C16orf96: variants seen among roughly 807,000 people sequenced by gnomAD.
C16orf96 encodes the protein uncharacterized protein C16orf96.
In C16orf96, 108 loss-of-function variants were observed where a neutral mutation model predicts 103.6. The ratio of observed to expected loss-of-function variants is 1.04; its 90% confidence interval spans 0.89 to 1.22. The LOEUF is 1.22. C16orf96 is among the 50% of genes most tolerant of loss of function. The pLI is 0.00. For synonymous variants in C16orf96, 566 were observed against 593.5 expected, an observed-to-expected ratio of 0.95 and a Z score of 0.67; for missense variants, 1,586 against 1,464.2, an observed-to-expected ratio of 1.08 and a Z score of -1.36.
chr16:4,565,527 C>T (rs940740042), intron 1 of C16orf96, among the ~76,000 whole-genome samples: 1 of 152,228 alleles, frequency 6.6e-6, no homozygotes, highest in African/African-American at 2.4e-5. Context: ...CTGGCTCTGG[C>T]GCCCAGGCTG....
At position 4,591,769 on chromosome 16, in the gene C16orf96, C is replaced by A; in HGVS notation, c.2696C>A (p.Ala899Asp). 1 of 1,551,050 alleles carries A rather than the reference C, an allele frequency of 6.4e-7. No individual in the cohort carries two copies. ...IEGLRLDPDS[A>D]AGFRRKLFKR... Reference sequence around the variant, plus strand: ...GGCTTAAGACTGGATCCTGACAGTGCTGCTGGCTTTAGGAGGTGAGTGCCC... The same window carrying A: ...GGCTTAAGACTGGATCCTGACAGTGATGCTGGCTTTAGGAGGTGAGTGCCC... The change falls in exon 10 of 16, where the codon GCT becomes GAT. Residue 899 changes from alanine (A) to aspartate (D), a missense_variant. By Grantham distance (126) the Ala-to-Asp change is moderately radical. Transcript: ENST00000444310.
At chr16:4,564,138 C>T (rs1405446384) in intron 1 of C16orf96, among the ~76,000 whole-genome samples, 1 of 151,924 alleles carries the variant, frequency 6.6e-6, no homozygotes, top group Non-Finnish European at 1.5e-5. Flanking sequence ...CACTGCACTC[C>T]AGCCTGGGAG....
At chr16:4,545,015 A>G in the C16orf96 span, among the ~76,000 whole-genome samples, 2 of 152,342 alleles carry the variant, frequency 1.3e-5, no homozygotes, top group East Asian at 1.9e-4. Flanking sequence ...ACGAATATGC[A>G]TAGCAGGTAT....
chr16:4,600,521 G>A lies in C16orf96; in HGVS notation c.*204G>A, dbSNP rs12931357. The A allele has an allele frequency of 0.78, 317,959 of 407,424 alleles. 126,625 individuals are homozygous for A. The highest frequency in any genetic ancestry group is 0.9 in the East Asian group (20,909 of 23,344). The allele number at this position is 407,424 out of a possible 1,614,324, so 25.2% of individuals were successfully genotyped here. ...CCCATCCCTACCAAGTCCCCTCCAC[G>A]TCCGAGGCTGAGACCCATATGCCCC... On this transcript the variant is annotated 3_prime_UTR_variant, in exon 16 of 16. Transcript: ENST00000444310.
chr16:4,547,649 T>TTTCTTTCC, the C16orf96 span, among the ~76,000 whole-genome samples: 1 of 119,094 alleles, frequency 8.4e-6, no homozygotes, highest in Non-Finnish European at 1.7e-5. Context: ...TCTTTCTTTC[T>TTTCTTTCC]TTCCTTCCTT....
chr16:4,577,682 G>A (rs564393247), intron 5 of C16orf96, among the ~76,000 whole-genome samples: 210 of 152,136 alleles, frequency 1.4e-3, no homozygotes, highest in African/African-American at 4.8e-3. Context: ...TTGGCCGTGT[G>A]CGGTGGCTCA....
Position 4,588,248 on chromosome 16 carries a change from C to G in C16orf96, c.2509C>G (p.Gln837Glu), listed in dbSNP as rs370852674. 2.6e-6 allele frequency: 4 copies of G among 1,551,696 alleles called. No individual in the cohort carries two copies. Among genetic ancestry groups the G allele is most frequent in the Non-Finnish European group, 3.5e-6 (4 of 1,146,990 alleles). Reference sequence around the variant, plus strand: ...GGCCTTGGAGCTGAACGAGATGATTCAGGGCATACTCTTCAAGGTCACGAT... The same window carrying G: ...GGCCTTGGAGCTGAACGAGATGATTGAGGGCATACTCTTCAAGGTCACGAT... ...TVALELNEMI[Q>E]GILFKVTIHE... The change falls in exon 9 of 16, where the codon CAG (glutamine) becomes GAG (glutamate). Residue 837 changes from glutamine to glutamate, a missense_variant. Physicochemically the swap from Gln to Glu is conservative, Grantham distance 29 (BLOSUM62 2). Transcript: ENST00000444310.
chr16:4,600,303 C>G lies in C16orf96; in HGVS notation c.3412C>G (p.Pro1138Ala). The G allele has an allele frequency of 6.5e-7, 1 of 1,549,336 alleles. No individual in the cohort carries two copies. The highest frequency in any genetic ancestry group is 8.7e-7 in the Non-Finnish European group (1 of 1,146,704). Residue 1138 changes from proline (P) to alanine (A), a missense_variant, in exon 16 of 16, where the codon CCC (proline) becomes GCC (alanine). Physicochemically the swap from Pro to Ala is conservative, Grantham distance 27 (BLOSUM62 -1). Transcript: ENST00000444310. ...SRVGRKPPEE[P>A]ANP Reference sequence around the variant, plus strand: ...AGTCGGCAGGAAGCCCCCCGAGGAGCCCGCCAACCCGTGAGCCCCACCCCG... The same window carrying G: ...AGTCGGCAGGAAGCCCCCCGAGGAGGCCGCCAACCCGTGAGCCCCACCCCG...
upstream of C16orf96, among the ~76,000 whole-genome samples, chr16:4,552,128 A>T (rs1429515669): frequency 2.0e-5 from 3 of 152,146 alleles, no homozygotes; most frequent in Non-Finnish European, 4.4e-5. Context: ...GGGACTTTTT[A>T]TAGCAATGGT....
chr16:4,568,564 A>G (rs960868284), intron 1 of C16orf96, among the ~76,000 whole-genome samples: 1 of 151,334 alleles, frequency 6.6e-6, no homozygotes, highest in African/African-American at 2.4e-5. Context: ...AAATGCTGGG[A>G]TTACAGGTGT....
the C16orf96 span, among the ~76,000 whole-genome samples, chr16:4,551,054 C>G: frequency 6.6e-6 from 1 of 152,200 alleles, no homozygotes; most frequent in Non-Finnish European, 1.5e-5. Context: ...CAGAGGACCG[C>G]TTGAGGCCAG....
At chr16:4,591,464 A>G (rs1418584268) in intron 9 of C16orf96, among the ~76,000 whole-genome samples, 1 of 151,408 alleles carries the variant, frequency 6.6e-6, no homozygotes, top group Non-Finnish European at 1.5e-5. Flanking sequence ...CTCACCTTGC[A>G]GCTCCCCTCT....
chr16:4,542,774 G>A, the C16orf96 span, among the ~76,000 whole-genome samples: 1 of 152,140 alleles, frequency 6.6e-6, no homozygotes, highest in Non-Finnish European at 1.5e-5. Flanking sequence ...TCCAGCCTGG[G>A]CGACAAGCAA....
chr16:4,554,825 T>C (rs1325992013), upstream of C16orf96, among the ~76,000 whole-genome samples: 1 of 151,636 alleles, frequency 6.6e-6, no homozygotes, highest in Non-Finnish European at 1.5e-5. Context: ...TAATTTTTGT[T>C]TCATCATGTT....
At position 4,580,125 on chromosome 16, in the gene C16orf96, G is replaced by T; in HGVS notation, c.2352G>T (p.Lys784Asn). 1 of 1,515,232 alleles carries T rather than the reference G, an allele frequency of 6.6e-7. No individual in the cohort carries two copies. 93.9% of individuals were successfully genotyped at this position (1,515,232 alleles called of 1,614,324 possible). A position where few individuals can be genotyped will look rare whatever the true frequency, so the allele number is the denominator to read the frequency against. Reference protein sequence around the residue: ...ENLQIRMDEFKTLQAQIKRLE... With the variant: ...ENLQIRMDEFNTLQAQIKRLE... Reference sequence around the variant, plus strand: ...TGCAGATTCGCATGGATGAGTTCAAGGTTAGGAGGACTGGGTAGGCTGGAG... The same window carrying T: ...TGCAGATTCGCATGGATGAGTTCAATGTTAGGAGGACTGGGTAGGCTGGAG... The change falls in exon 7 of 16, where the codon AAG (lysine) becomes AAT (asparagine). Residue 784 changes from lysine to asparagine, a missense_variant and splice_region_variant. By Grantham distance (94) the Lys-to-Asn change is moderately conservative. Transcript: ENST00000444310.
In C16orf96 at chr16:4,556,913, C is replaced by T. The variant is rs371440728; in HGVS notation, c.420+4C>T. On this transcript the variant is annotated splice_donor_region_variant and intron_variant, in intron 1 of 15. Transcript: ENST00000444310. Reference sequence around the variant, plus strand: ...TCATGATGAAGTCATGGCCAAGGTACGCCCCCAGCCTCCAGACACTTCTTT... The same window carrying T: ...TCATGATGAAGTCATGGCCAAGGTATGCCCCCAGCCTCCAGACACTTCTTT... 1.5e-5 allele frequency: 23 copies of T among 1,531,712 alleles called. No individual in the cohort carries two copies. In the East Asian group the frequency reaches 2.0e-4, roughly 13 times the overall value. The allele number at this position is 1,531,712 out of a possible 1,614,324, so 94.9% of individuals were successfully genotyped here. A position where few individuals can be genotyped will look rare whatever the true frequency, so the allele number is the denominator to read the frequency against.
In C16orf96 at chr16:4,556,678, G is replaced by A; in HGVS notation, c.189G>A (p.Arg63=). The change falls in exon 1 of 16, where the codon AGG becomes AGA. Residue 63 remains arginine, a synonymous_variant. Transcript: ENST00000444310. ...CCTCGCAGGTGGTCATCATGCCCAG[G>A]GAAGGAGACGCCCAGCCTATCCTCA... is the stretch of plus-strand genomic sequence containing the variant. ...LQTSQVVIMP[R]EGDAQPILNP... The A allele has an allele frequency of 6.4e-7, 1 of 1,551,480 alleles. No individual in the cohort carries two copies. Among genetic ancestry groups the A allele is most frequent in the Non-Finnish European group, 8.7e-7 (1 of 1,146,786 alleles).
the C16orf96 span, among the ~76,000 whole-genome samples, chr16:4,546,567 C>T: frequency 1.3e-5 from 2 of 149,520 alleles, no homozygotes; most frequent in Non-Finnish European, 1.5e-5. Flanking sequence ...CAAGCTCAAG[C>T]GATCCTCTTG....
chr16:4,575,499 T>C lies in C16orf96; in HGVS notation c.1019T>C (p.Leu340Pro), dbSNP rs1229258351. ...ACTGAACCTGTGCCAGGACTGGAGC[T>C]GGGGCTGGAGCTGGAGCCTGTGCCT... The part of the protein sequence containing the change: ...PGTEPVPGLE[L>P]GLELEPVPAL... Residue 340 changes from leucine (L) to proline (P), a missense_variant, in exon 5 of 16, where the codon CTG (leucine) becomes CCG (proline). Leu to Pro is a moderately conservative substitution (Grantham distance 98). Coordinates refer to ENST00000444310, the MANE Select transcript of C16orf96 (RefSeq NM_001145011.2). The C allele has an allele frequency of 6.5e-7, 1 of 1,547,176 alleles. No individual in the cohort carries two copies. Among genetic ancestry groups the C allele is most frequent in the African/African-American group, 1.4e-5 (1 of 73,006 alleles).
Sources: gnomAD v4.1 joint callset for allele counts (sites outside exome capture counted in the v4.1 genomes callset) on GRCh38, gnomAD v4.1.1 for gene constraint, MANE v1.5 for transcripts, NCBI Gene and HGNC (gene_info 2026-07-23, HGNC 2026-07-21) for gene names.